Variants in TENM2 observed in about 807,000 individuals in gnomAD.
TENM2 encodes teneurin-2.
In TENM2, 52 loss-of-function variants were observed where a neutral mutation model predicts 245.2. The observed-to-expected ratio is 0.21, with a 90% CI of 0.17 to 0.27. TENM2 has a LOEUF of 0.27. Ranked by LOEUF, TENM2 falls within the 10% of genes least tolerant of loss-of-function variation. The probability of loss-of-function intolerance (pLI) is 1.00; values close to 1 mark genes in which losing one functional copy is unlikely to be tolerated. For missense variants in TENM2, 3,046 were observed against 3,666.8 expected, an observed-to-expected ratio of 0.83 and a Z score of 4.37; for synonymous variants, 1,363 against 1,438.9, an observed-to-expected ratio of 0.95 and a Z score of 1.19.
At chr5:168,100,187 C>T (rs567004203) in intron 9 of TENM2, among the ~76,000 whole-genome samples, 2 of 152,214 alleles carry the variant, frequency 1.3e-5, no homozygotes, top group East Asian at 1.9e-4. Flanking sequence ...AATGAGATAC[C>T]GTCTCATGCC....
At chr5:167,510,838 A>G (rs550776116) in intron 2 of TENM2, among the ~76,000 whole-genome samples, 1 of 152,296 alleles carries the variant, frequency 6.6e-6, no homozygotes, top group African/African-American at 2.4e-5. Context: ...TATGATGTGC[A>G]AAATCTTCAG....
chr5:167,011,317 C>T, the TENM2 span, among the ~76,000 whole-genome samples: 1 of 152,126 alleles, frequency 6.6e-6, no homozygotes, highest in Non-Finnish European at 1.5e-5. Flanking sequence ...TACTATTAAT[C>T]CTATTTAATA....
intron 2 of TENM2, among the ~76,000 whole-genome samples, chr5:167,522,411 A>G (rs1001463589): frequency 6.6e-6 from 1 of 152,122 alleles, no homozygotes; most frequent in Non-Finnish European, 1.5e-5. Flanking sequence ...ATGTGAAATG[A>G]GTAATGAACC....
chr5:167,784,531 G>A (rs1438976297), intron 2 of TENM2, among the ~76,000 whole-genome samples: 2 of 152,146 alleles, frequency 1.3e-5, no homozygotes, highest in Non-Finnish European at 2.9e-5. Context: ...ACACATACAG[G>A]CGTAAGCGGA....
chr5:168,217,670 G>A (rs1036414585), intron 22 of TENM2, among the ~76,000 whole-genome samples: 1 of 152,216 alleles, frequency 6.6e-6, no homozygotes, highest in Non-Finnish European at 1.5e-5. Flanking sequence ...TTGGATCAGA[G>A]CCATCTTCCA....
intron 2 of TENM2, among the ~76,000 whole-genome samples, chr5:167,872,558 G>GAA (rs1452933451): frequency 1.3e-4 from 8 of 61,690 alleles, no homozygotes; most frequent in African/African-American, 2.6e-4. Flanking sequence ...GAGAAAGAAA[G>GAA]AAAGAAAGAA....
intron 2 of TENM2, among the ~76,000 whole-genome samples, chr5:167,764,919 C>T (rs1253314203): frequency 6.6e-6 from 1 of 152,056 alleles, no homozygotes; most frequent in African/African-American, 2.4e-5. Flanking sequence ...AGGGATATAC[C>T]ACATTTTAGA....
chr5:168,183,729 G>A (rs767610982), intron 13 of TENM2, among the ~76,000 whole-genome samples: 2 of 151,790 alleles, frequency 1.3e-5, no homozygotes, highest in East Asian at 1.9e-4. Flanking sequence ...CCTGAGTCAC[G>A]GGGTTCACCA....
chr5:167,056,477 T>TATATATATTATACATATATATTTTA, the TENM2 span, among the ~76,000 whole-genome samples: 1 of 146,168 alleles, frequency 6.8e-6, no homozygotes, highest in Non-Finnish European at 1.5e-5. Flanking sequence ...ATATATGTAT[T>TATATATATTATACATATATATTTTA]ATATATATTA....
At chr5:167,606,969 T>G (rs1777099549) in intron 2 of TENM2, among the ~76,000 whole-genome samples, 1 of 152,128 alleles carries the variant, frequency 6.6e-6, no homozygotes, top group African/African-American at 2.4e-5. Context: ...AAGACCAGGT[T>G]TTCTGGTAGC....
chr5:167,821,063 C>G (rs1257468269), intron 2 of TENM2: 1 of 152,142 alleles, frequency 6.6e-6, no homozygotes, highest in Non-Finnish European at 1.5e-5. Context: ...AGGAATAATT[C>G]TCTATTGTAG....
At chr5:168,160,402 GTAGAC>G (rs1408667602) in intron 12 of TENM2, among the ~76,000 whole-genome samples, 1 of 152,242 alleles carries the variant, frequency 6.6e-6, no homozygotes, top group South Asian at 2.1e-4. Flanking sequence ...GGAGAGGTGT[GTAGAC>G]CAAACAAGCC....
intron 3 of TENM2, among the ~76,000 whole-genome samples, chr5:167,879,964 C>T (rs1773737679): frequency 1.3e-5 from 2 of 152,308 alleles, no homozygotes; most frequent in Non-Finnish European, 2.9e-5. Context: ...ATTTATCTGG[C>T]ATCATAAAAC....
At chr5:168,034,838 C>CCTGT (rs1787519271) in intron 5 of TENM2, among the ~76,000 whole-genome samples, 1 of 152,146 alleles carries the variant, frequency 6.6e-6, no homozygotes, top group Non-Finnish European at 1.5e-5. Flanking sequence ...AGGAGGAGAT[C>CCTGT]AGCTTAGAAA....
chr5:167,242,850 A>G, the TENM2 span, among the ~76,000 whole-genome samples: 1 of 152,294 alleles, frequency 6.6e-6, no homozygotes, highest in South Asian at 2.1e-4. Context: ...CAGGGCCTCT[A>G]ACTCCCATGC....
At chr5:167,445,332 T>TG (rs1554154121) in intron 2 of TENM2, among the ~76,000 whole-genome samples, 1 of 77,062 alleles carries the variant, frequency 1.3e-5, no homozygotes. Context: ...TATATATATA[T>TG]ATATAGAGAG....
intron 5 of TENM2, 23 bp downstream of exon 7, chr5:167,993,205 A>C (rs770496281): frequency 6.3e-7 from 1 of 1,591,432 alleles, no homozygotes; most frequent in South Asian, 1.1e-5. Context: ...AGCCTTATTC[A>C]GCAACGCTGG....
At chr5:167,679,083 T>A (rs1756529937) in intron 2 of TENM2, among the ~76,000 whole-genome samples, 5 of 152,088 alleles carry the variant, frequency 3.3e-5, no homozygotes, top group African/African-American at 7.2e-5. Context: ...CATTATGAGC[T>A]CTAAGCATGA....
At chr5:168,138,092 A>G (rs1010462444) in intron 12 of TENM2, among the ~76,000 whole-genome samples, 4 of 152,198 alleles carry the variant, frequency 2.6e-5, no homozygotes, top group Non-Finnish European at 4.4e-5. Context: ...ATGCTTGACT[A>G]TGGCTGGTTT....
Sources: allele counts gnomAD v4.1 joint callset (sites outside exome capture counted in the v4.1 genomes callset), GRCh38; gene constraint gnomAD v4.1.1; transcripts MANE v1.5; gene names NCBI Gene and HGNC (gene_info 2026-07-23, HGNC 2026-07-21).